The following MAP2K5 variants were observed in gnomAD, a reference collection of about 807,000 sequenced individuals.
MAP2K5 encodes dual specificity mitogen-activated protein kinase kinase 5.
Under a neutral mutation model 83.1 loss-of-function variants are expected in MAP2K5, and 49 were observed. That is an observed-to-expected ratio of 0.59 (90% confidence interval 0.47 to 0.75). MAP2K5 has a LOEUF of 0.75. Ranked by LOEUF, MAP2K5 falls within the 30% of genes least tolerant of loss-of-function variation. The pLI, the probability that MAP2K5 is intolerant of heterozygous loss-of-function variation, is 0.00. For missense variants in MAP2K5, 457 were observed against 557.5 expected (o/e 0.82, Z 1.82); for synonymous variants, 202 against 191.8 (o/e 1.05, Z -0.44).
rs925052642 is a variant in MAP2K5, at chr15:67,559,110, A to G, written c.185-4173A>G. Among the ~76,000 whole-genome samples the G allele has an allele frequency of 3.3e-5, 5 of 152,182 alleles. No homozygotes were observed. The highest frequency in any genetic ancestry group is 9.7e-5 in the African/African-American group (4 of 41,438). The stretch of plus-strand genomic sequence containing the variant: ...CTTTAAACATGACATCTTTTCCGGT[A>G]GTTTCCTGTTGATGTCTTTCTAACT... On this transcript the variant is annotated intron_variant, in intron 2 of 21. Coordinates refer to ENST00000178640, the MANE Select transcript of MAP2K5 (RefSeq NM_145160.3). The surrounding 1 kb of genome is among the most constrained non-coding windows in gnomAD (Gnocchi z 4.7).
At chr15:67,614,167 A>G (rs1019371380) in intron 8 of MAP2K5, among the ~76,000 whole-genome samples, 1 of 152,196 alleles carries the variant, frequency 6.6e-6, no homozygotes, top group Non-Finnish European at 1.5e-5. Flanking sequence ...ACTTACAGAT[A>G]GGAATCGTGA....
At position 67,800,622 on chromosome 15, in the gene MAP2K5, A is replaced by G. The variant is rs80168967; in HGVS notation, c.1243-6024A>G. Among the ~76,000 whole-genome samples, 785 of 152,330 alleles carry G rather than the reference A, an allele frequency of 5.2e-3. 6 individuals carry two copies. Among genetic ancestry groups the G allele is most frequent in the Non-Finnish European group, 8.7e-3 (592 of 68,028 alleles). On this transcript the variant is annotated intron_variant, in intron 21 of 21. Transcript: ENST00000178640. ...GACCAATTGTTCATATGAATCGTTT[A>G]TGGTAAATATATTGGTCAGACAAAT...
chr15:67,766,945 A>G (rs1443237744), intron 19 of MAP2K5, among the ~76,000 whole-genome samples: 1 of 152,192 alleles, frequency 6.6e-6, no homozygotes, highest in Non-Finnish European at 1.5e-5. Context: ...CATGGATTTT[A>G]AAACAAAAAT....
At chr15:67,693,171 A>G (rs1170402034) in intron 14 of MAP2K5, among the ~76,000 whole-genome samples, 1 of 152,222 alleles carries the variant, frequency 6.6e-6, no homozygotes, top group Non-Finnish European at 1.5e-5. Context: ...CTTCATTCAC[A>G]TCTTGAGCCA....
chr15:67,664,418 T>G (rs2087319759), intron 12 of MAP2K5, among the ~76,000 whole-genome samples, 179 bp from the exon 13 acceptor site: 1 of 150,930 alleles, frequency 6.6e-6, no homozygotes, highest in Admixed American at 6.6e-5. Context: ...GAAGGATTGC[T>G]TGAGCCCAGG....
At chr15:67,699,546 A>G (rs989772584) in intron 15 of MAP2K5, among the ~76,000 whole-genome samples, 75 of 152,180 alleles carry the variant, frequency 4.9e-4, no homozygotes, top group African/African-American at 1.8e-3. Context: ...CACCCTGGGT[A>G]TATGCATACG....
At chr15:67,703,307 A>G in intron 15 of MAP2K5, 30 bp from the exon 16 acceptor site, 7 of 1,562,796 alleles carry the variant, frequency 4.5e-6, no homozygotes, top group Non-Finnish European at 6.2e-6. Flanking sequence ...GCATCCGTCC[A>G]CTCACAGGCT....
chr15:67,714,458 A>G lies in MAP2K5; in HGVS notation c.1044+11050A>G, dbSNP rs1027460478. 3.4e-3 allele frequency among the ~76,000 whole-genome samples: 405 copies of G among 120,372 alleles called. 5 individuals are homozygous for G. Among genetic ancestry groups the G allele is most frequent in the African/African-American group, 0.012 (383 of 32,350 alleles). 79.0% of individuals were successfully genotyped at this position (120,372 alleles called of 152,430 possible). ...AAAAAAAAAAAAAAAAAAAAAAACC[A>G]CCACCCTGACACAGCTGTTTCTAAT... On this transcript the variant is annotated intron_variant, in intron 16 of 21. Transcript: ENST00000178640.
At chr15:67,603,677 A>G (rs1050568798) in intron 8 of MAP2K5, among the ~76,000 whole-genome samples, 4 of 152,214 alleles carry the variant, frequency 2.6e-5, no homozygotes, top group African/African-American at 9.6e-5. Context: ...CTTTTAGTAC[A>G]GTGCAAAGAA....
intron 4 of MAP2K5, among the ~76,000 whole-genome samples, chr15:67,581,758 G>A (rs1428115680): frequency 2.6e-5 from 4 of 152,118 alleles, no homozygotes; most frequent in Non-Finnish European, 4.4e-5. Context: ...GCTCCTATTT[G>A]CACTGATAAA....
intron 11 of MAP2K5, among the ~76,000 whole-genome samples, chr15:67,647,650 C>A (rs1328116330): frequency 6.6e-6 from 1 of 151,820 alleles, no homozygotes; most frequent in African/African-American, 2.4e-5. Context: ...CTTTGGGAGG[C>A]CGAGGCAAGC....
At chr15:67,707,768 GA>G (rs1224010572) in intron 16 of MAP2K5, among the ~76,000 whole-genome samples, 9 of 152,186 alleles carry the variant, frequency 5.9e-5, no homozygotes, top group African/African-American at 2.2e-4. Flanking sequence ...GAGAAAGAGG[GA>G]AAAGATAGAG....
chr15:67,625,683 C>T (rs536186295), intron 8 of MAP2K5, among the ~76,000 whole-genome samples: 1 of 152,288 alleles, frequency 6.6e-6, no homozygotes, highest in East Asian at 1.9e-4. Context: ...CCTGGCATTG[C>T]CTTTGTCATC....
Position 67,565,271 on chromosome 15 carries a change from C to T in MAP2K5, c.252+1921C>T, listed in dbSNP as rs917910893. ...CCGAGATGGAGTCTTGCTCTGTCAC[C>T]GAGGCTGGAGTGCAGTGGTGCCATC... On this transcript the variant is annotated intron_variant, in intron 3 of 21. Coordinates refer to ENST00000178640, the MANE Select transcript of MAP2K5 (RefSeq NM_145160.3). The surrounding 1 kb of genome is among the most constrained non-coding windows in gnomAD (Gnocchi z 4.1). 2.6e-5 allele frequency among the ~76,000 whole-genome samples: 4 copies of T among 151,974 alleles called. No homozygotes were observed. Among genetic ancestry groups the T allele is most frequent in the African/African-American group, 4.8e-5 (2 of 41,362 alleles).
In MAP2K5 at chr15:67,559,864, C is replaced by T. The variant is rs1009185648; in HGVS notation, c.185-3419C>T. ...TTTTGGTCAGATGGCAAAGAACCTC[C>T]ATGTATAAGATAGAAAAAGCTCAAA... On this transcript the variant is annotated intron_variant, in intron 2 of 21. Coordinates refer to ENST00000178640, the MANE Select transcript of MAP2K5 (RefSeq NM_145160.3). This position sits in a 1 kb window ranked among gnomAD's most constrained non-coding sequence, Gnocchi z 4.7. Among the ~76,000 whole-genome samples, 1 of 152,178 alleles carries T rather than the reference C, an allele frequency of 6.6e-6. No individual in the cohort carries two copies. The highest frequency in any genetic ancestry group is 6.5e-5 in the Admixed American group (1 of 15,268).
rs2087445947 is a variant in MAP2K5 at position 67,668,569 on chromosome 15, G to C, written c.847+3924G>C. 6.6e-6 allele frequency among the ~76,000 whole-genome samples: 1 copy of C among 152,098 alleles called. No individual in the cohort carries two copies. On this transcript the variant is annotated intron_variant, in intron 13 of 21. Transcript: ENST00000178640. This position sits in a 1 kb window ranked among gnomAD's most constrained non-coding sequence, Gnocchi z 4.0. ...CAAAACATACATCGCCACTAATGAG[G>C]TGAGAGCCCTGCATATTAATAAACC...
rs1003903422 is a variant in MAP2K5, at chr15:67,785,682, G to A, written c.1242+12930G>A. Among the ~76,000 whole-genome samples, 3 of 152,168 alleles carry A rather than the reference G, an allele frequency of 2.0e-5. No individual in the cohort carries two copies. Among genetic ancestry groups the A allele is most frequent in the African/African-American group, 7.2e-5 (3 of 41,442 alleles). ...GGACCTGGCATGGAGCCATGACCTC[G>A]CTCATCCTATGACCTTGATGGAAGG... On this transcript the variant is annotated intron_variant, in intron 21 of 21. Coordinates refer to ENST00000178640, the MANE Select transcript of MAP2K5 (RefSeq NM_145160.3). The surrounding 1 kb of genome is among the most constrained non-coding windows in gnomAD (Gnocchi z 4.4).
rs550610154 is a variant in MAP2K5, at chr15:67,640,714, G to A, written c.586-5517G>A. 2 of 321,458 alleles carry A rather than the reference G, an allele frequency of 6.2e-6. No individual in the cohort carries two copies. Among genetic ancestry groups the A allele is most frequent in the East Asian group, 3.4e-4 (2 of 5,912 alleles). 19.9% of individuals were successfully genotyped at this position (321,458 alleles called of 1,614,324 possible). The stretch of plus-strand genomic sequence containing the variant: ...TTTTCCTACTCAAAATGTTTCTCAT[G>A]TTATGCTTCTAAATGTTCTTATTTT... On this transcript the variant is annotated intron_variant, in intron 9 of 21. Transcript: ENST00000178640. This position sits in a 1 kb window ranked among gnomAD's most constrained non-coding sequence, Gnocchi z 4.6.
chr15:67,600,427 T>TCATA (rs760241466), intron 7 of MAP2K5, among the ~76,000 whole-genome samples: 4 of 152,228 alleles, frequency 2.6e-5, no homozygotes, highest in Non-Finnish European at 5.9e-5. Context: ...CTATGTTGTA[T>TCATA]CATTCCATTT....
Sources: gnomAD v4.1 joint callset for allele counts (sites outside exome capture counted in the v4.1 genomes callset) on GRCh38, gnomAD v4.1.1 for gene constraint, Gnocchi (gnomAD v3.1) non-coding constraint, MANE v1.5 for transcripts, NCBI Gene and HGNC (gene_info 2026-07-23, HGNC 2026-07-21) for gene names.